CTNNA3: variants seen among roughly 807,000 people sequenced by gnomAD.
CTNNA3 encodes catenin alpha 3.
In CTNNA3, 76 loss-of-function variants were observed where a neutral mutation model predicts 95.7. That is an observed-to-expected ratio of 0.79 (90% CI 0.66 to 0.96). CTNNA3 has a LOEUF of 0.96. Ranked by LOEUF, CTNNA3 falls within the 40% of genes least tolerant of loss-of-function variation. The pLI, the probability that CTNNA3 is intolerant of heterozygous loss-of-function variation, is 0.00. For missense variants in CTNNA3, 1,191 were observed against 1,089.8 expected (o/e 1.09, Z -1.31); for synonymous variants, 431 against 374.4 (o/e 1.15, Z -1.74).
chr10:67,125,156 T>C (rs1859660466), intron 7 of CTNNA3, among the ~76,000 whole-genome samples: 1 of 152,206 alleles, frequency 6.6e-6, no homozygotes, highest in Non-Finnish European at 1.5e-5. Flanking sequence ...ATGTTGTAAA[T>C]ATTTAATACG....
chr10:66,010,602 G>C (rs2078987680), intron 15 of CTNNA3, among the ~76,000 whole-genome samples: 2 of 152,150 alleles, frequency 1.3e-5, no homozygotes, highest in Non-Finnish European at 2.9e-5. Context: ...TCTTCTAAGA[G>C]CTGAGTTTGG....
At chr10:66,104,865 C>T (rs1318834986) in intron 13 of CTNNA3, among the ~76,000 whole-genome samples, 1 of 152,180 alleles carries the variant, frequency 6.6e-6, no homozygotes, top group African/African-American at 2.4e-5. Flanking sequence ...ATTGTCAGGG[C>T]TGCCAATAGC....
chr10:66,122,931 A>C (rs1352149345), intron 13 of CTNNA3, among the ~76,000 whole-genome samples: 5 of 152,182 alleles, frequency 3.3e-5, no homozygotes, highest in African/African-American at 4.8e-5. Flanking sequence ...CTCCCATGAC[A>C]TGTGGGAATT....
At chr10:66,668,164 A>T (rs1279462092) in intron 9 of CTNNA3, among the ~76,000 whole-genome samples, 1 of 152,058 alleles carries the variant, frequency 6.6e-6, no homozygotes, top group Non-Finnish European at 1.5e-5. Context: ...TCTTTCCAAC[A>T]CTCAATTTAC....
intron 2 of CTNNA3, among the ~76,000 whole-genome samples, chr10:67,611,293 T>C (rs967098355): frequency 3.9e-5 from 6 of 152,042 alleles, no homozygotes; most frequent in Admixed American, 1.3e-4. Context: ...TGGCACACAA[T>C]ATGAACACTG....
intron 13 of CTNNA3, among the ~76,000 whole-genome samples, chr10:66,182,735 T>G (rs937741853): frequency 7.7e-6 from 1 of 129,516 alleles, no homozygotes; most frequent in African/African-American, 3.1e-5. Context: ...AAGATGATTT[T>G]TTTTTAAAAG....
intron 12 of CTNNA3, among the ~76,000 whole-genome samples, chr10:66,308,853 T>C (rs189053079): frequency 2.6e-5 from 4 of 152,296 alleles, no homozygotes; most frequent in African/African-American, 9.6e-5. Flanking sequence ...TCAGGGTGAC[T>C]TGAAGTTCAT....
chr10:67,421,893 A>T (rs1437601361), intron 5 of CTNNA3, among the ~76,000 whole-genome samples: 1 of 152,202 alleles, frequency 6.6e-6, no homozygotes, highest in Non-Finnish European at 1.5e-5. Flanking sequence ...AAATATATAC[A>T]TAGAAATATA....
intron 7 of CTNNA3, among the ~76,000 whole-genome samples, chr10:67,148,963 T>G (rs765755652): frequency 6.6e-6 from 1 of 152,230 alleles, no homozygotes; most frequent in Non-Finnish European, 1.5e-5. Context: ...AAATCTAATC[T>G]TCAAAGTATA....
At chr10:66,662,725 T>TTA (rs1229885498) in intron 9 of CTNNA3, among the ~76,000 whole-genome samples, 1 of 152,164 alleles carries the variant, frequency 6.6e-6, no homozygotes, top group African/African-American at 2.4e-5. Flanking sequence ...CAACTTTATC[T>TTA]TCTCTAATAG....
At chr10:66,339,458 AT>A (rs1279628396) in intron 12 of CTNNA3, among the ~76,000 whole-genome samples, 3 of 151,868 alleles carry the variant, frequency 2.0e-5, no homozygotes, top group African/African-American at 7.2e-5. Flanking sequence ...CAATTATGAA[AT>A]TTCTTCTTTG....
At chr10:66,655,091 T>A (rs1256716642) in intron 9 of CTNNA3, among the ~76,000 whole-genome samples, 1 of 152,064 alleles carries the variant, frequency 6.6e-6, no homozygotes, top group African/African-American at 2.4e-5. Context: ...TTTGTGTTCT[T>A]ACCACAAAAA....
At chr10:66,300,239 A>G (rs1193014448) in intron 12 of CTNNA3, among the ~76,000 whole-genome samples, 3 of 152,166 alleles carry the variant, frequency 2.0e-5, no homozygotes, top group African/African-American at 7.2e-5. Context: ...TATCACAGAT[A>G]TAATTTTTAC....
chr10:66,884,295 T>C (rs1440958255), intron 7 of CTNNA3, among the ~76,000 whole-genome samples: 5 of 152,124 alleles, frequency 3.3e-5, no homozygotes. Context: ...ACATCAATTA[T>C]TTGATGCACC....
chr10:67,234,480 T>G (rs1258432169), intron 5 of CTNNA3, among the ~76,000 whole-genome samples: 3 of 152,300 alleles, frequency 2.0e-5, no homozygotes, highest in African/African-American at 4.8e-5. Flanking sequence ...TGCTAAAAAC[T>G]CTCAATAAAT....
At chr10:67,735,144 CAA>C (rs1491104475) in intron 1 of CTNNA3, among the ~76,000 whole-genome samples, 12,574 of 86,530 alleles carry the variant, frequency 0.15, 762 homozygotes, top group African/African-American at 0.36. Flanking sequence ...CACACACACA[CAA>C]ACACACACAC....
At chr10:67,260,683 GT>G (rs11363504) in intron 5 of CTNNA3, among the ~76,000 whole-genome samples, 35,738 of 148,002 alleles carry the variant, frequency 0.24, 7,137 homozygotes, top group African/African-American at 0.55. Flanking sequence ...TTGTTTTTTT[GT>G]TTTTTTTTTG....
intron 12 of CTNNA3, among the ~76,000 whole-genome samples, chr10:66,282,725 TA>T (rs2091516107): frequency 6.6e-6 from 1 of 151,876 alleles, no homozygotes; most frequent in South Asian, 2.1e-4. Context: ...TAGCATTAAG[TA>T]TTATAGTATC....
chr10:67,297,594 C>T (rs563487408), intron 5 of CTNNA3, among the ~76,000 whole-genome samples: 43 of 152,286 alleles, frequency 2.8e-4, no homozygotes, highest in African/African-American at 1.0e-3. Flanking sequence ...CCCCACGAAG[C>T]CATAGATATG....
Sources: allele counts gnomAD v4.1 joint callset (sites outside exome capture counted in the v4.1 genomes callset), GRCh38; gene constraint gnomAD v4.1.1; transcripts MANE v1.5; gene names NCBI Gene and HGNC (gene_info 2026-07-23, HGNC 2026-07-21).